CFAP91: variants seen among roughly 807,000 people sequenced by gnomAD.
CFAP91 encodes the protein cilia- and flagella-associated protein 91.
CFAP91 carries 85 observed loss-of-function variants against 95.9 expected under a neutral mutation model. The ratio of observed to expected loss-of-function variants is 0.89; its 90% CI spans 0.74 to 1.06. CFAP91 has a LOEUF of 1.06. Among genes scored for constraint, CFAP91 ranks in the 50% least tolerant of loss-of-function variants. The pLI is 0.00. For synonymous variants in CFAP91, 335 were observed against 327.5 expected (o/e 1.02, Z -0.25); for missense variants, 962 against 943.4 (o/e 1.02, Z -0.26).
At chr3:119,733,784 A>G (rs1343830573) in intron 10 of CFAP91, among the ~76,000 whole-genome samples, 1 of 152,170 alleles carries the variant, frequency 6.6e-6, no homozygotes, top group Non-Finnish European at 1.5e-5. Flanking sequence ...ATTTGACGCT[A>G]TACTAAGGTG....
At position 119,733,466 on chromosome 3, in the gene CFAP91, G is replaced by A; in HGVS notation, c.1304G>A (p.Arg435Lys). Residue 435 changes from arginine (R) to lysine (K), a missense_variant, in exon 10 of 18, where the codon AGG becomes AAG. Transcript: ENST00000273390. ...VITTKAGFLK[R>K]AARLDYELAE... is the part of the protein sequence containing the mutation. ...ACCACCAAAGCTGGTTTTCTGAAGA[G>A]GGCAGCAAGGTTGGACTATGAGTTG... 1.9e-6 allele frequency: 3 copies of A among 1,614,068 alleles called. No homozygotes were observed. The highest frequency in any genetic ancestry group is 2.5e-6 in the Non-Finnish European group (3 of 1,179,978).
Position 119,708,602 on chromosome 3 carries a change from C to T in CFAP91, c.371C>T (p.Ser124Phe), listed in dbSNP as rs775311830. The change falls in exon 4 of 18, where the codon TCT becomes TTT. Residue 124 changes from serine to phenylalanine, a missense_variant. Ser to Phe is a radical substitution (Grantham distance 155). Coordinates refer to ENST00000273390, the MANE Select transcript of CFAP91 (RefSeq NM_033364.4). ...ALRQLTTTDA[S>F]FQMPKEVYED... Reference sequence around the variant, plus strand: ...TTGCTTCATTTTAGAACTGACGCTTCTTTTCAGATGCCTAAAGAAGTTTAT... The same window carrying T: ...TTGCTTCATTTTAGAACTGACGCTTTTTTTCAGATGCCTAAAGAAGTTTAT... The T allele has an allele frequency of 3.7e-6, 6 of 1,601,208 alleles. No individual in the cohort carries two copies. Among genetic ancestry groups the T allele is most frequent in the Non-Finnish European group, 5.1e-6 (6 of 1,172,906 alleles).
At chr3:119,719,797 G>A (rs1035190812) in intron 6 of CFAP91, among the ~76,000 whole-genome samples, 5 of 152,092 alleles carry the variant, frequency 3.3e-5, no homozygotes, top group African/African-American at 1.2e-4. Context: ...AATATCTTTT[G>A]CCCTATATTT....
chr3:119,726,391 G>A (rs765227008), intron 7 of CFAP91, 43 bp downstream of exon 7: 1 of 1,538,964 alleles, frequency 6.5e-7, no homozygotes, highest in Middle Eastern at 1.7e-4. Context: ...GCACTGGTGG[G>A]AATAATGTTA....
chr3:119,723,900 C>G (rs1243761470), intron 6 of CFAP91, among the ~76,000 whole-genome samples: 2 of 150,356 alleles, frequency 1.3e-5, no homozygotes, highest in African/African-American at 2.4e-5. Context: ...TGGCTTATGC[C>G]TGTAATCCCA....
intron 6 of CFAP91, among the ~76,000 whole-genome samples, chr3:119,717,911 G>A (rs2053608916): frequency 1.3e-5 from 2 of 151,938 alleles, no homozygotes; most frequent in African/African-American, 2.4e-5. Context: ...GCCATTTGTA[G>A]AAGGATTTCC....
chr3:119,736,695 C>G (rs2054015586), intron 10 of CFAP91, among the ~76,000 whole-genome samples: 1 of 152,102 alleles, frequency 6.6e-6, no homozygotes, highest in South Asian at 2.1e-4. Flanking sequence ...TAAGGTTCAT[C>G]CAGGTTTTAA....
At chr3:119,748,422 T>C (rs1018671365) in intron 16 of CFAP91, among the ~76,000 whole-genome samples, 1 of 152,156 alleles carries the variant, frequency 6.6e-6, no homozygotes, top group African/African-American at 2.4e-5. Context: ...TTTTTAAAGA[T>C]TGATGCTTTT....
intron 17 of CFAP91, among the ~76,000 whole-genome samples, chr3:119,764,782 A>G (rs1040436880): frequency 3.3e-5 from 5 of 152,004 alleles, no homozygotes; most frequent in African/African-American, 1.2e-4. Flanking sequence ...ATTCTTTTGT[A>G]TTTTTATTTT....
Position 119,740,709 on chromosome 3 carries a change from T to G in CFAP91, c.1680+14T>G. On this transcript the variant is annotated intron_variant, in intron 13 of 17. Coordinates refer to ENST00000273390, the MANE Select transcript of CFAP91 (RefSeq NM_033364.4). ...CATGAGCACAAGGTTTTCCTTTTTT[T>G]GTTTTCTTGTTACTTTCTTGTTAAA... is the stretch of plus-strand genomic sequence containing the variant. 1 of 1,609,124 alleles carries G rather than the reference T, an allele frequency of 6.2e-7. No homozygotes were observed. Among genetic ancestry groups the G allele is most frequent in the Non-Finnish European group, 8.5e-7 (1 of 1,177,134 alleles).
At chr3:119,759,612 A>G (rs35017263) in intron 17 of CFAP91, among the ~76,000 whole-genome samples, 33,689 of 151,908 alleles carry the variant, frequency 0.22, 3,886 homozygotes, top group Admixed American at 0.25. Flanking sequence ...TACTGTAATG[A>G]TGGTGTGTAA....
Position 119,706,806 on chromosome 3 carries a change from C to T in CFAP91, c.125-3C>T. On this transcript the variant is annotated splice_polypyrimidine_tract_variant and splice_region_variant and intron_variant, in intron 1 of 17. Coordinates refer to ENST00000273390, the MANE Select transcript of CFAP91 (RefSeq NM_033364.4). ...TTATGCTACTTGATTGTTTATTTTG[C>T]AGATCCATTGTTTATTGTGTCAAGT... 6.2e-7 allele frequency: 1 copy of T among 1,610,754 alleles called. No individual in the cohort carries two copies. The highest frequency in any genetic ancestry group is 1.1e-5 in the South Asian group (1 of 91,014).
At chr3:119,748,532 T>C (rs1577240214) in intron 16 of CFAP91, among the ~76,000 whole-genome samples, 1 of 152,166 alleles carries the variant, frequency 6.6e-6, no homozygotes. Flanking sequence ...GACAGAGGGG[T>C]GCAACCAGGA....
At chr3:119,719,703 A>G (rs923347710) in intron 6 of CFAP91, among the ~76,000 whole-genome samples, 1 of 152,258 alleles carries the variant, frequency 6.6e-6, no homozygotes, top group Non-Finnish European at 1.5e-5. Flanking sequence ...GAAAGAAGAC[A>G]GAAGATGCAA....
At chr3:119,710,999 A>T (rs2053461847) in intron 5 of CFAP91, among the ~76,000 whole-genome samples, 1 of 152,232 alleles carries the variant, frequency 6.6e-6, no homozygotes, top group Non-Finnish European at 1.5e-5. Context: ...GGTATTCATG[A>T]AATTATCAGG....
At chr3:119,748,541 G>A (rs1208396891) in intron 16 of CFAP91, among the ~76,000 whole-genome samples, 1 of 152,222 alleles carries the variant, frequency 6.6e-6, no homozygotes, top group Non-Finnish European at 1.5e-5. Context: ...GTGCAACCAG[G>A]AGAAGACCAG....
intron 17 of CFAP91, among the ~76,000 whole-genome samples, chr3:119,761,339 ATAAG>A (rs1378905261): frequency 2.6e-5 from 4 of 151,906 alleles, no homozygotes; most frequent in African/African-American, 9.7e-5. Context: ...TAGACCAATA[ATAAG>A]TAAGAAGATT....
intron 16 of CFAP91, among the ~76,000 whole-genome samples, chr3:119,748,268 G>T (rs188321278): frequency 6.6e-6 from 1 of 152,164 alleles, no homozygotes; most frequent in Non-Finnish European, 1.5e-5. Context: ...GGCAGGACAC[G>T]TGAACCGTGA....
At chr3:119,718,020 C>G (rs2053611497) in intron 6 of CFAP91, among the ~76,000 whole-genome samples, 1 of 152,276 alleles carries the variant, frequency 6.6e-6, no homozygotes. Flanking sequence ...GTAGTAGCCA[C>G]TCGCAGGTCA....
Sources: allele counts gnomAD v4.1 joint callset (sites outside exome capture counted in the v4.1 genomes callset), GRCh38; gene constraint gnomAD v4.1.1; transcripts MANE v1.5; gene names NCBI Gene and HGNC (gene_info 2026-07-23, HGNC 2026-07-21).